MACROH2A2: variants seen among roughly 807,000 people sequenced by gnomAD.
MACROH2A2 encodes core histone macro-H2A.2.
A neutral mutation model predicts 37.6 loss-of-function variants in MACROH2A2; 6 were observed. That is an observed-to-expected ratio of 0.16 (90% CI 0.09 to 0.32). MACROH2A2 has a LOEUF of 0.32. MACROH2A2 is among the 10% of genes least tolerant of loss of function. MACROH2A2 has a pLI of 1.00. For missense variants in MACROH2A2, 290 were observed against 485.9 expected, an observed-to-expected ratio of 0.60 and a Z score of 3.79; for synonymous variants, 192 against 202.7, an observed-to-expected ratio of 0.95 and a Z score of 0.45.
chr10:70,089,558 T>C (rs1246702242), intron 2 of MACROH2A2, among the ~76,000 whole-genome samples: 2 of 151,984 alleles, frequency 1.3e-5, no homozygotes, highest in Non-Finnish European at 2.9e-5. Flanking sequence ...ACCACACTTA[T>C]CAAGGGAAAT....
intron 1 of MACROH2A2, among the ~76,000 whole-genome samples, chr10:70,065,423 C>T (rs1033264118): frequency 6.6e-6 from 1 of 152,018 alleles, no homozygotes; most frequent in Non-Finnish European, 1.5e-5. Flanking sequence ...GATCACCAGA[C>T]ATTTAAGAAA....
chr10:70,063,758 T>C (rs2072062470), intron 1 of MACROH2A2, among the ~76,000 whole-genome samples: 1 of 152,050 alleles, frequency 6.6e-6, no homozygotes, highest in Non-Finnish European at 1.5e-5. Context: ...GAAGTACAAA[T>C]AAAATAAACA....
At chr10:70,109,246 T>G (rs1450112630) in intron 8 of MACROH2A2, 39 bp downstream of exon 8, 2 of 1,570,330 alleles carry the variant, frequency 1.3e-6, no homozygotes, top group South Asian at 2.2e-5. Context: ...CTCCGGCTTT[T>G]TCCCTGGAAA....
chr10:70,102,137 G>A (rs1252975500), intron 7 of MACROH2A2, among the ~76,000 whole-genome samples: 2 of 152,218 alleles, frequency 1.3e-5, no homozygotes, highest in Non-Finnish European at 2.9e-5. Context: ...CATAATTGGG[G>A]CACAGAGCAG....
chr10:70,056,088 A>G (rs1024195218), intron 1 of MACROH2A2, among the ~76,000 whole-genome samples: 3 of 152,238 alleles, frequency 2.0e-5, no homozygotes, highest in Non-Finnish European at 2.9e-5. Flanking sequence ...ACATCTCTAT[A>G]AGTAAAAATT....
chr10:70,086,722 G>A (rs2072214085), intron 2 of MACROH2A2, among the ~76,000 whole-genome samples: 1 of 152,186 alleles, frequency 6.6e-6, no homozygotes. Flanking sequence ...CAGTTGCTCA[G>A]AAGCTTAAAA....
chr10:70,061,597 G>GC (rs1235162331), intron 1 of MACROH2A2, among the ~76,000 whole-genome samples: 1 of 151,996 alleles, frequency 6.6e-6, no homozygotes, highest in African/African-American at 2.4e-5. Context: ...CCCCTTAAAT[G>GC]CCCCTACCCC....
At position 70,107,717 on chromosome 10, in the gene MACROH2A2, C is replaced by G. The variant is rs562366868; in HGVS notation, c.779-1316C>G. 3.2e-4 allele frequency among the ~76,000 whole-genome samples: 49 copies of G among 152,362 alleles called. No individual in the cohort carries two copies. The highest frequency in any genetic ancestry group is 1.2e-3 in the African/African-American group (49 of 41,582). ...TGGCCTAATTCAGTTTCACAGCCCGCTTTTGAAACCCCACTCTCTGCAGGG... is the reference window on the plus strand; with the variant it reads ...TGGCCTAATTCAGTTTCACAGCCCGGTTTTGAAACCCCACTCTCTGCAGGG... On this transcript the variant is annotated intron_variant, in intron 7 of 8. Transcript: ENST00000373255. This position sits in a 1 kb window ranked among gnomAD's most constrained non-coding sequence, Gnocchi z 4.4.
chr10:70,108,995 AGGAAATAACCCGC>A, intron 7 of MACROH2A2, 25 bp from the exon 8 acceptor site: 1 of 1,596,286 alleles, frequency 6.3e-7, no homozygotes, highest in Non-Finnish European at 8.6e-7. Flanking sequence ...AGGAAACCTT[AGGAAATAACCCGC>A]GGCATTTTCT....
chr10:70,096,198 C>T lies in MACROH2A2; in HGVS notation c.688+445C>T, dbSNP rs183559073. On this transcript the variant is annotated intron_variant, in intron 6 of 8. Coordinates refer to ENST00000373255, the MANE Select transcript of MACROH2A2 (RefSeq NM_018649.3). ...ATGAAATCTTGTCCTCTTCTGGGTC[C>T]GACTCCTTTTGCTCAACTTAGTATT... Among the ~76,000 whole-genome samples, 8 of 152,240 alleles carry T rather than the reference C, an allele frequency of 5.3e-5. No homozygotes were observed. In the East Asian group the frequency reaches 5.8e-4, roughly 11 times the overall value.
At chr10:70,084,837 A>C (rs1174892613) in intron 2 of MACROH2A2, among the ~76,000 whole-genome samples, 1 of 152,112 alleles carries the variant, frequency 6.6e-6, no homozygotes, top group African/African-American at 2.4e-5. Context: ...CCTGAGCTCA[A>C]GTGCTCTGCC....
At chr10:70,105,769 A>G (rs1306454822) in intron 7 of MACROH2A2, among the ~76,000 whole-genome samples, 2 of 152,120 alleles carry the variant, frequency 1.3e-5, no homozygotes, top group Admixed American at 6.5e-5. Flanking sequence ...AATGAAGCAC[A>G]TGGGCCTGAA....
chr10:70,071,066 T>G (rs939596587), intron 1 of MACROH2A2, among the ~76,000 whole-genome samples: 1 of 148,206 alleles, frequency 6.7e-6, no homozygotes, highest in African/African-American at 2.5e-5. Flanking sequence ...GGCGCGCGTG[T>G]GCATGTGCAT....
rs1033501309 is a variant in MACROH2A2 at position 70,058,653 on chromosome 10, T to C, written c.-60+5653T>C. Reference sequence around the variant, plus strand: ...TGCCAATTTTATATATATATATATATACACACACACAGAATTTTGTAACTT... The same window carrying C: ...TGCCAATTTTATATATATATATATACACACACACACAGAATTTTGTAACTT... On this transcript the variant is annotated intron_variant, in intron 1 of 8. Coordinates refer to ENST00000373255, the MANE Select transcript of MACROH2A2 (RefSeq NM_018649.3). Among the ~76,000 whole-genome samples the C allele has an allele frequency of 3.0e-3, 418 of 140,748 alleles. 5 individuals are homozygous for C. The highest frequency in any genetic ancestry group is 9.7e-3 in the African/African-American group (376 of 38,894). 92.3% of individuals were successfully genotyped at this position (140,748 alleles called of 152,430 possible). A position where few individuals can be genotyped will look rare whatever the true frequency, so the allele number is the denominator to read the frequency against.
chr10:70,105,772 G>A lies in MACROH2A2; in HGVS notation c.779-3261G>A, dbSNP rs140564814. On this transcript the variant is annotated intron_variant, in intron 7 of 8. Transcript: ENST00000373255. ...AGTGGGGGTGAAAATGAAGCACATG[G>A]GCCTGAAATGAGACAAGGCAGAGGA... is the stretch of plus-strand genomic sequence containing the variant. Among the ~76,000 whole-genome samples, 630 of 152,214 alleles carry A rather than the reference G, an allele frequency of 4.1e-3. 2 individuals are homozygous for A. Among genetic ancestry groups the A allele is most frequent in the Middle Eastern group, 6.8e-3 (2 of 294 alleles).
intron 7 of MACROH2A2, among the ~76,000 whole-genome samples, chr10:70,103,876 A>G (rs2072320668): frequency 6.6e-6 from 1 of 152,202 alleles, no homozygotes; most frequent in Admixed American, 6.5e-5. Flanking sequence ...ACATTTTGCT[A>G]CGTTGTCATT....
intron 7 of MACROH2A2, among the ~76,000 whole-genome samples, chr10:70,106,999 A>G (rs1052742694): frequency 7.9e-5 from 12 of 152,176 alleles, no homozygotes; most frequent in Admixed American, 6.5e-4. Flanking sequence ...CTTGGTTCTC[A>G]GCAGAGCAGC....
In MACROH2A2 at chr10:70,107,740, GGGCATGTGGAGATCATCAAAT is replaced by G. The variant is rs1480551935; in HGVS notation, c.779-1288_779-1268del. ...CGCTTTTGAAACCCCACTCTCTGCAGGGCATGTGGAGATCATCAAATGGCAGTCCCTGTCAAGGAACTACAC... is the reference window on the plus strand; with the variant it reads ...CGCTTTTGAAACCCCACTCTCTGCAGGGCAGTCCCTGTCAAGGAACTACAC... On this transcript the variant is annotated intron_variant, in intron 7 of 8. Transcript: ENST00000373255. This position sits in a 1 kb window ranked among gnomAD's most constrained non-coding sequence, Gnocchi z 4.4. 6.6e-6 allele frequency among the ~76,000 whole-genome samples: 1 copy of G among 152,202 alleles called. No homozygotes were observed. Among genetic ancestry groups the G allele is most frequent in the Admixed American group, 6.5e-5 (1 of 15,282 alleles).
chr10:70,090,028 G>C (rs1427261779), intron 2 of MACROH2A2, 32 bp from the exon 3 acceptor site: 2 of 1,366,092 alleles, frequency 1.5e-6, no homozygotes, highest in Admixed American at 3.3e-5. Context: ...CCCATTCTGT[G>C]ATTGCCTGTT....
Sources: gnomAD v4.1 joint callset for allele counts (sites outside exome capture counted in the v4.1 genomes callset) on GRCh38, gnomAD v4.1.1 for gene constraint, Gnocchi (gnomAD v3.1) non-coding constraint, MANE v1.5 for transcripts, NCBI Gene and HGNC (gene_info 2026-07-23, HGNC 2026-07-21) for gene names.